The following NELL2 variants were observed in gnomAD, a reference collection of about 807,000 sequenced individuals.
NELL2 encodes protein kinase C-binding protein NELL2.
Under a neutral mutation model 109.6 loss-of-function variants are expected in NELL2, and 41 were observed. The observed-to-expected ratio is 0.37, with a 90% CI of 0.29 to 0.49. NELL2 has a LOEUF of 0.49. Ranked by LOEUF, NELL2 falls within the 20% of genes least tolerant of loss-of-function variation. NELL2 has a pLI of 0.98. For missense variants in NELL2, 900 were observed against 1,008.3 expected (o/e 0.89, Z 1.45); for synonymous variants, 355 against 344.7 (o/e 1.03, Z -0.33).
intron 2 of NELL2, among the ~76,000 whole-genome samples, chr12:44,839,332 C>T (rs1462961550): frequency 6.6e-6 from 1 of 151,562 alleles, no homozygotes; most frequent in Non-Finnish European, 1.5e-5. Context: ...AAAATAATGG[C>T]GATAAATAAA....
chr12:44,665,634 G>T (rs201613984), intron 12 of NELL2, 25 bp from the exon 13 acceptor site: 2 of 1,602,098 alleles, frequency 1.2e-6, no homozygotes, highest in African/African-American at 2.7e-5. Context: ...AGGACAAAGA[G>T]GTCAACAGTG....
At chr12:44,586,389 C>T (rs192634261) in intron 15 of NELL2, among the ~76,000 whole-genome samples, 164 of 151,152 alleles carry the variant, frequency 1.1e-3, no homozygotes, top group African/African-American at 3.9e-3. Context: ...AAATTAAATA[C>T]ATGAGTCTTA....
intron 2 of NELL2, among the ~76,000 whole-genome samples, chr12:44,851,125 C>T (rs1428844439): frequency 2.6e-5 from 4 of 152,058 alleles, no homozygotes; most frequent in South Asian, 2.1e-4. Context: ...CCTTTTTGTT[C>T]GAAGAATCAA....
Position 44,523,403 on chromosome 12 carries a change from C to T in NELL2, c.1886G>A (p.Arg629Gln), listed in dbSNP as rs757288037. Reference protein sequence around the residue: ...CFNLDGGYDCRCPHGKNCTGD... With the variant: ...CFNLDGGYDCQCPHGKNCTGD... ...TGTGCAATTCTTTCCATGAGGACAT[C>T]GACAATCATATCCGCCATCCAAATT... The change falls in exon 17 of 20, where the codon CGA (arginine) becomes CAA (glutamine). Residue 629 changes from arginine (R) to glutamine (Q), a missense_variant. Physicochemically the swap from Arg to Gln is conservative, Grantham distance 43 (BLOSUM62 1). This residue lies in a region of NELL2 where 333 missense variants were observed against 432.3 expected (regional missense o/e 0.77). Transcript: ENST00000429094. 48 of 1,613,982 alleles carry T rather than the reference C, an allele frequency of 3.0e-5. No homozygotes were observed. The highest frequency in any genetic ancestry group is 3.7e-5 in the Non-Finnish European group (44 of 1,180,000).
chr12:44,802,353 A>G (rs987031827), intron 3 of NELL2, among the ~76,000 whole-genome samples: 2 of 152,174 alleles, frequency 1.3e-5, no homozygotes, highest in African/African-American at 2.4e-5. Context: ...TCAATAACTT[A>G]ATGAAATAAA....
intron 15 of NELL2, among the ~76,000 whole-genome samples, chr12:44,566,566 C>CACACACACACACACACAGAGAG (rs377368706): frequency 4.5e-4 from 62 of 138,512 alleles, no homozygotes; most frequent in African/African-American, 1.6e-3. Context: ...CACACACACA[C>CACACACACACACACACAGAGAG]AGAGTTTTAT....
chr12:44,589,778 T>C (rs1944678217), intron 15 of NELL2, among the ~76,000 whole-genome samples: 1 of 152,218 alleles, frequency 6.6e-6, no homozygotes. Flanking sequence ...TTCACCAACA[T>C]GCCTGTTCAA....
chr12:44,902,426 T>C (rs1592713259), intron 1 of NELL2, among the ~76,000 whole-genome samples: 1 of 152,292 alleles, frequency 6.6e-6, no homozygotes, highest in East Asian at 1.9e-4. Flanking sequence ...GGAAAAATCA[T>C]TCCATGCTCA....
At chr12:44,602,845 T>G (rs1267800320) in intron 15 of NELL2, among the ~76,000 whole-genome samples, 1 of 152,150 alleles carries the variant, frequency 6.6e-6, no homozygotes, top group African/African-American at 2.4e-5. Flanking sequence ...AAAAATGTGC[T>G]AATTTGGCCA....
intron 15 of NELL2, among the ~76,000 whole-genome samples, chr12:44,547,464 C>A (rs1369471482): frequency 6.6e-6 from 1 of 152,170 alleles, no homozygotes; most frequent in African/African-American, 2.4e-5. Context: ...TAAAATATTA[C>A]TCCAGCATGT....
intron 2 of NELL2, among the ~76,000 whole-genome samples, chr12:44,874,024 T>C (rs1363723576): frequency 1.3e-5 from 2 of 152,188 alleles, no homozygotes; most frequent in Non-Finnish European, 2.9e-5. Flanking sequence ...TTGTTTTAAG[T>C]AAATGTAACA....
chr12:44,771,862 C>T (rs987664643), intron 9 of NELL2, among the ~76,000 whole-genome samples: 3 of 152,128 alleles, frequency 2.0e-5, no homozygotes, highest in South Asian at 2.1e-4. Context: ...CAAACAACTC[C>T]GATGAAGCAA....
intron 12 of NELL2, among the ~76,000 whole-genome samples, chr12:44,697,002 G>A (rs1949080167): frequency 6.6e-6 from 1 of 152,132 alleles, no homozygotes; most frequent in African/African-American, 2.4e-5. Flanking sequence ...AACATAGGTA[G>A]GCTCTTGGAA....
chr12:44,697,195 T>C (rs531453322), intron 12 of NELL2, among the ~76,000 whole-genome samples: 1 of 152,262 alleles, frequency 6.6e-6, no homozygotes, highest in East Asian at 1.9e-4. Context: ...GAGCTATACA[T>C]ACATTTAAGA....
chr12:44,807,103 G>C (rs1943026997), intron 3 of NELL2, among the ~76,000 whole-genome samples: 1 of 151,318 alleles, frequency 6.6e-6, no homozygotes. Context: ...AAATCTACGA[G>C]GAAGATATTA....
chr12:44,879,477 AT>A (rs1213325540), upstream of NELL2, among the ~76,000 whole-genome samples: 1 of 150,950 alleles, frequency 6.6e-6, no homozygotes, highest in Non-Finnish European at 1.5e-5. Flanking sequence ...AAAATGCCCA[AT>A]TTTTAAATTC....
chr12:44,874,817 A>C (rs1036690396), intron 2 of NELL2, among the ~76,000 whole-genome samples: 2 of 152,224 alleles, frequency 1.3e-5, no homozygotes, highest in Non-Finnish European at 2.9e-5. Flanking sequence ...AATTCCTCCA[A>C]GCAGGGCACC....
At chr12:44,845,391 T>C (rs1170860294) in intron 2 of NELL2, among the ~76,000 whole-genome samples, 2 of 152,178 alleles carry the variant, frequency 1.3e-5, no homozygotes, top group African/African-American at 2.4e-5. Flanking sequence ...CAGTACAGTA[T>C]AGTGCATAGC....
At chr12:44,827,654 A>T (rs1566484345) in intron 2 of NELL2, among the ~76,000 whole-genome samples, 1 of 152,152 alleles carries the variant, frequency 6.6e-6, no homozygotes. Context: ...GCTGGATCTC[A>T]TTCTTATGAC....
Sources: allele counts gnomAD v4.1 joint callset (sites outside exome capture counted in the v4.1 genomes callset), GRCh38; gene constraint gnomAD v4.1.1; regional missense constraint gnomAD v4.1.1; transcripts MANE v1.5; gene names NCBI Gene and HGNC (gene_info 2026-07-23, HGNC 2026-07-21).